The following TIMP2 variants were observed in gnomAD, a reference collection of about 807,000 sequenced individuals.
TIMP2 encodes TIMP metallopeptidase inhibitor 2, also known as metalloproteinase inhibitor 2.
TIMP2 carries 5 observed loss-of-function variants against 24.3 expected under a neutral mutation model. The observed-to-expected ratio is 0.21, with a 90% confidence interval of 0.11 to 0.43. The LOEUF is 0.43. Among genes scored for constraint, TIMP2 ranks in the 20% least tolerant of loss-of-function variants. The pLI, the probability that TIMP2 is intolerant of heterozygous loss-of-function variation, is 1.00. For missense variants in TIMP2, 221 were observed against 297.5 expected (o/e 0.74, Z 1.89); for synonymous variants, 130 against 123.2 (o/e 1.06, Z -0.37).
At chr17:78,902,860 CA>C (rs1396151355) in intron 1 of TIMP2, 1 of 152,386 alleles carries the variant, frequency 6.6e-6, no homozygotes, top group African/African-American at 2.4e-5. Flanking sequence ...CCCCCCAGCC[CA>C]ACTCCTCCAA....
rs2070235059 is a variant in TIMP2 at position 78,914,260 on chromosome 17, C to CATTTATTTATTCATTTATTT, written c.130+10698_130+10699insAAATAAATGAATAAATAAAT. 5.1e-5 allele frequency among the ~76,000 whole-genome samples: 5 copies of CATTTATTTATTCATTTATTT among 97,136 alleles called. No individual in the cohort carries two copies. The South Asian group carries it at 1.4e-3, about 27-fold the overall frequency. 63.7% of individuals were successfully genotyped at this position (97,136 alleles called of 152,430 possible). A position where few individuals can be genotyped will look rare whatever the true frequency, so the allele number is the denominator to read the frequency against. On this transcript the variant is annotated intron_variant, in intron 1 of 4. Transcript: ENST00000262768. Reference sequence around the variant, plus strand: ...ATCTGCCTTCGAAATTTTGGCTATTCATTTATTTATTTATTTATTTATTTA... The same window carrying CATTTATTTATTCATTTATTT: ...ATCTGCCTTCGAAATTTTGGCTATTCATTTATTTATTCATTTATTTATTTATTTATTTATTTATTTATTTA...
chr17:78,861,433 G>C (rs1178078111), intron 3 of TIMP2, among the ~76,000 whole-genome samples: 1 of 152,126 alleles, frequency 6.6e-6, no homozygotes, highest in Non-Finnish European at 1.5e-5. Context: ...CCTGCACATA[G>C]TAATTGCTCA....
At chr17:78,857,149 T>C (rs2145743903) in intron 4 of TIMP2, 1 of 224,572 alleles carries the variant, frequency 4.5e-6, no homozygotes, top group South Asian at 6.5e-5. Flanking sequence ...CCACCTCACC[T>C]GGCTAATTTT....
chr17:78,904,730 C>A (rs1482323157), intron 1 of TIMP2: 1 of 152,316 alleles, frequency 6.6e-6, no homozygotes, highest in South Asian at 2.1e-4. Context: ...GCATCTGAAC[C>A]GGGGGACTGA....
intron 1 of TIMP2, chr17:78,892,025 G>A (rs2069905731): frequency 6.4e-7 from 1 of 1,550,608 alleles, no homozygotes; most frequent in Admixed American, 2.0e-5. Context: ...GGGCCTGGCT[G>A]ATCTTCGCTG....
At chr17:78,914,701 G>C (rs557709166) in intron 1 of TIMP2, among the ~76,000 whole-genome samples, 6 of 151,244 alleles carry the variant, frequency 4.0e-5, no homozygotes, top group African/African-American at 1.5e-4. Context: ...TCAGCCTCCC[G>C]AGTAGGTGGG....
At chr17:78,873,553 G>A (rs547904709) in intron 2 of TIMP2, among the ~76,000 whole-genome samples, 16 of 152,272 alleles carry the variant, frequency 1.1e-4, no homozygotes, top group Admixed American at 5.2e-4. Context: ...TCGGCCTCCC[G>A]AAGTGCTGGG....
chr17:78,865,635 A>AG, intron 3 of TIMP2, among the ~76,000 whole-genome samples: 1 of 150,986 alleles, frequency 6.6e-6, no homozygotes, highest in Non-Finnish European at 1.5e-5. Flanking sequence ...AAAAAAAAAA[A>AG]AAAAAAATTA....
chr17:78,887,586 T>C (rs2069835694), intron 1 of TIMP2, among the ~76,000 whole-genome samples: 1 of 152,112 alleles, frequency 6.6e-6, no homozygotes, highest in Non-Finnish European at 1.5e-5. Context: ...GGTTTCACCC[T>C]GTTGGCCAGG....
intron 1 of TIMP2, chr17:78,903,113 T>C (rs554821643): frequency 6.6e-6 from 1 of 152,412 alleles, no homozygotes; most frequent in African/African-American, 2.4e-5. Flanking sequence ...AGCCCCGCAG[T>C]GGTCTCAGGG....
At position 78,912,141 on chromosome 17, in the gene TIMP2, C is replaced by G. The variant is rs78279512; in HGVS notation, c.130+12818G>C. 4.3e-4 allele frequency among the ~76,000 whole-genome samples: 66 copies of G among 152,282 alleles called. 2 individuals carry two copies. The East Asian group carries it at 0.012, about 29-fold the overall frequency. On this transcript the variant is annotated intron_variant, in intron 1 of 4. Transcript: ENST00000262768. ...TTTTACAGAAGAGGAAACCAAGGCT[C>G]AGAGAGGCACACAGTCGGGATTCAG...
At chr17:78,908,153 A>G (rs2070177617) in intron 1 of TIMP2, among the ~76,000 whole-genome samples, 1 of 152,136 alleles carries the variant, frequency 6.6e-6, no homozygotes, top group African/African-American at 2.4e-5. Flanking sequence ...AAAAGAAAAG[A>G]AAAAGCTATA....
At chr17:78,893,061 G>A (rs1262700568) in intron 1 of TIMP2, among the ~76,000 whole-genome samples, 1 of 151,782 alleles carries the variant, frequency 6.6e-6, no homozygotes, top group African/African-American at 2.4e-5. Context: ...AAGCATGTGT[G>A]TGTGCAGGAG....
chr17:78,924,542 A>AG lies in TIMP2; in HGVS notation c.130+416dup, dbSNP rs572704925. Among the ~76,000 whole-genome samples, 544 of 152,228 alleles carry AG rather than the reference A, an allele frequency of 3.6e-3. 3 individuals carry two copies. The highest frequency in any genetic ancestry group is 0.02 in the Middle Eastern group (6 of 294). The stretch of plus-strand genomic sequence containing the variant: ...CCCCACCCAGCCCCAAGCCCAGAGA[A>AG]GCCCAACTCCCACCTTATCTGCGAA... On this transcript the variant is annotated intron_variant, in intron 1 of 4. Transcript: ENST00000262768. The surrounding 1 kb of genome is among the most constrained non-coding windows in gnomAD (Gnocchi z 5.3).
intron 1 of TIMP2, chr17:78,901,859 G>T (rs781043670): frequency 1.4e-6 from 1 of 703,008 alleles, no homozygotes; most frequent in Non-Finnish European, 2.7e-6. Context: ...CAGGAGGGCA[G>T]GAAGCACTGT....
rs901133369 is a variant in TIMP2, at chr17:78,896,176, C to T, written c.131-22257G>A. On this transcript the variant is annotated intron_variant, in intron 1 of 4. Coordinates refer to ENST00000262768, the MANE Select transcript of TIMP2 (RefSeq NM_003255.5). This position sits in a 1 kb window ranked among gnomAD's most constrained non-coding sequence, Gnocchi z 4.4. ...CGCTACCCCAGCTCTCCTTGCTCTC[C>T]CCTCTGAGACCCTCCCCACTTACTA... Among the ~76,000 whole-genome samples, 1 of 152,246 alleles carries T rather than the reference C, an allele frequency of 6.6e-6. No individual in the cohort carries two copies. The highest frequency in any genetic ancestry group is 2.4e-5 in the African/African-American group (1 of 41,466).
chr17:78,892,371 A>C, intron 1 of TIMP2: 1 of 1,550,624 alleles, frequency 6.4e-7, no homozygotes, highest in Non-Finnish European at 8.7e-7. Flanking sequence ...ACAGCTTCCC[A>C]GGGAAGGTGC....
At chr17:78,893,143 G>GTACATGTGTGTGCAGGGGTGTGTGTGCA (rs1304701986) in intron 1 of TIMP2, among the ~76,000 whole-genome samples, 10 of 144,788 alleles carry the variant, frequency 6.9e-5, no homozygotes, top group Non-Finnish European at 7.6e-5. Flanking sequence ...GTGTGTGTGC[G>GTACATGTGTGTGCAGGGGTGTGTGTGCA]TACATGTGTG....
intron 3 of TIMP2, among the ~76,000 whole-genome samples, chr17:78,858,188 A>G (rs1343058726): frequency 6.6e-6 from 1 of 152,210 alleles, no homozygotes; most frequent in African/African-American, 2.4e-5. Flanking sequence ...CATGCCTGTA[A>G]TCCCAGCACT....
Sources: gnomAD v4.1 joint callset for allele counts (sites outside exome capture counted in the v4.1 genomes callset) on GRCh38, gnomAD v4.1.1 for gene constraint, Gnocchi (gnomAD v3.1) non-coding constraint, MANE v1.5 for transcripts, NCBI Gene and HGNC (gene_info 2026-07-23, HGNC 2026-07-21) for gene names.